ANLN: variants seen among roughly 807,000 people sequenced by gnomAD.
ANLN encodes anillin.
ANLN carries 59 observed loss-of-function variants against 135.1 expected under a neutral mutation model. That is an observed-to-expected ratio of 0.44 (90% CI 0.35 to 0.54). ANLN has a LOEUF of 0.54. ANLN is among the 20% of genes least tolerant of loss of function. ANLN has a pLI of 0.00. For synonymous variants in ANLN, 406 were observed against 456.4 expected (o/e 0.89, Z 1.41); for missense variants, 1,182 against 1,340.0 (o/e 0.88, Z 1.84).
chr7:36,400,462 C>T (rs567669097), intron 3 of ANLN, among the ~76,000 whole-genome samples: 4 of 152,086 alleles, frequency 2.6e-5, no homozygotes, highest in Non-Finnish European at 5.9e-5. Flanking sequence ...CAGGTTCAAG[C>T]GATTCTCATG....
chr7:36,424,004 T>G, intron 15 of ANLN, 61 bp downstream of exon 15: 1 of 1,507,200 alleles, frequency 6.6e-7, no homozygotes, highest in Non-Finnish European at 8.9e-7. Context: ...GTTGATACAG[T>G]CTAAAGCATT....
At chr7:36,412,549 A>T (rs1182671097) in intron 7 of ANLN, among the ~76,000 whole-genome samples, 1 of 151,984 alleles carries the variant, frequency 6.6e-6, no homozygotes, top group African/African-American at 2.4e-5. Context: ...GCTGGTCTCG[A>T]ACTCGTGACC....
intron 12 of ANLN, 106 bp downstream of exon 12, chr7:36,420,850 C>T: frequency 8.7e-7 from 1 of 1,152,280 alleles, no homozygotes; most frequent in East Asian, 2.4e-5. Flanking sequence ...CCTGAGTGGC[C>T]AGAATAGTGT....
intron 2 of ANLN, among the ~76,000 whole-genome samples, chr7:36,398,364 T>C (rs765225647): frequency 6.6e-6 from 1 of 152,232 alleles, no homozygotes; most frequent in Non-Finnish European, 1.5e-5. Flanking sequence ...TATTAGTTAT[T>C]TTCCATGAAA....
chr7:36,416,791 A>C (rs560106057), intron 8 of ANLN, among the ~76,000 whole-genome samples: 8 of 152,160 alleles, frequency 5.3e-5, no homozygotes, highest in African/African-American at 1.9e-4. Flanking sequence ...ATTTATGCCT[A>C]GTGTTCCATT....
Position 36,453,304 on chromosome 7 carries a change from A to T in ANLN, c.*704A>T. The T allele has an allele frequency of 6.6e-6, 1 of 152,304 alleles. No homozygotes were observed. Among genetic ancestry groups the T allele is most frequent in the East Asian group, 1.9e-4 (1 of 5,190 alleles). 9.4% of individuals were successfully genotyped at this position (152,304 alleles called of 1,614,324 possible). A position where few individuals can be genotyped will look rare whatever the true frequency, so the allele number is the denominator to read the frequency against. On this transcript the variant is annotated 3_prime_UTR_variant, in exon 24 of 24. Transcript: ENST00000265748. ...TTCACAGAATTCTGGCTTCATTAAGATCATTATTTTTGCTGCGTAGCTTAC... is the reference window on the plus strand; with the variant it reads ...TTCACAGAATTCTGGCTTCATTAAGTTCATTATTTTTGCTGCGTAGCTTAC...
chr7:36,422,483 C>T, intron 13 of ANLN, 150 bp from the exon 14 acceptor site: 1 of 686,560 alleles, frequency 1.5e-6, no homozygotes, highest in Non-Finnish European at 2.3e-6. Flanking sequence ...AAGGTTTTCC[C>T]CAACCACCTA....
intron 1 of ANLN, among the ~76,000 whole-genome samples, chr7:36,391,790 A>G (rs1308090582): frequency 6.6e-6 from 1 of 152,240 alleles, no homozygotes; most frequent in African/African-American, 2.4e-5. Flanking sequence ...AACATAGGAA[A>G]TAAGTCTATC....
In ANLN at chr7:36,406,484, A is replaced by T. The variant is rs762176310; in HGVS notation, c.791A>T (p.Asp264Val). 6.9e-6 allele frequency: 11 copies of T among 1,599,202 alleles called. No homozygotes were observed. Among genetic ancestry groups the T allele is most frequent in the South Asian group, 1.1e-5 (1 of 89,660 alleles). ...KQEATFCSQR[D>V]GDASLNKALS... ...GAAGCTACATTCTGTTCCCAAAGGGATGGCGATGCCTCTTTGAATAAAGCC... is the reference window on the plus strand; with the variant it reads ...GAAGCTACATTCTGTTCCCAAAGGGTTGGCGATGCCTCTTTGAATAAAGCC... Residue 264 changes from aspartate to valine, a missense_variant, in exon 4 of 24, where the codon GAT (aspartate) becomes GTT (valine). Physicochemically the swap from Asp to Val is radical, Grantham distance 152. This residue lies in a region of ANLN where 1,022 missense variants were observed against 1,134.0 expected (regional missense o/e 0.90). Transcript: ENST00000265748.
chr7:36,396,590 C>T (rs1471789367), intron 2 of ANLN, among the ~76,000 whole-genome samples, 171 bp downstream of exon 2: 3 of 151,862 alleles, frequency 2.0e-5, no homozygotes, highest in Non-Finnish European at 4.4e-5. Context: ...TTATATTAGG[C>T]CTAGAACCTA....
intron 20 of ANLN, 31 bp from the exon 21 acceptor site, chr7:36,439,173 T>G: frequency 7.9e-7 from 1 of 1,264,224 alleles, no homozygotes. Context: ...TTGAACCTGT[T>G]TTGCAAATAA....
chr7:36,401,451 G>T (rs1786943874), intron 3 of ANLN, among the ~76,000 whole-genome samples: 1 of 152,206 alleles, frequency 6.6e-6, no homozygotes. Context: ...CAGTTCTCCT[G>T]CCTCAGCCTC....
At chr7:36,452,396 T>C (rs1789282494) in intron 23 of ANLN, 81 bp from the exon 24 acceptor site, 1 of 1,543,770 alleles carries the variant, frequency 6.5e-7, no homozygotes. Flanking sequence ...TATTTAGTCA[T>C]TTTTTTCCCT....
intron 21 of ANLN, among the ~76,000 whole-genome samples, chr7:36,443,539 T>TAGG: frequency 6.6e-6 from 1 of 152,334 alleles, no homozygotes; most frequent in South Asian, 2.1e-4. Flanking sequence ...TATCTGAATG[T>TAGG]TTTTAAATGC....
chr7:36,452,261 G>GT (rs1262446114), intron 23 of ANLN, among the ~76,000 whole-genome samples: 2 of 152,202 alleles, frequency 1.3e-5, no homozygotes, highest in Non-Finnish European at 2.9e-5. Context: ...TGTAATTAGT[G>GT]TAAGTTAGCA....
chr7:36,425,582 C>A, intron 17 of ANLN, 120 bp from the exon 18 acceptor site: 1 of 612,896 alleles, frequency 1.6e-6, no homozygotes, highest in Non-Finnish European at 2.5e-6. Context: ...GCGTGAGCCA[C>A]TGCTCCCGGC....
chr7:36,451,196 G>A (rs534693962), intron 23 of ANLN, among the ~76,000 whole-genome samples: 3 of 152,222 alleles, frequency 2.0e-5, no homozygotes, highest in Admixed American at 1.3e-4. Context: ...GTTTCCTTAC[G>A]GGGCCTTGGG....
At chr7:36,441,578 G>A (rs1369085719) in intron 21 of ANLN, among the ~76,000 whole-genome samples, 1 of 152,214 alleles carries the variant, frequency 6.6e-6, no homozygotes, top group East Asian at 1.9e-4. Flanking sequence ...CCTCCACTGA[G>A]GAGCAGCAAG....
intron 5 of ANLN, among the ~76,000 whole-genome samples, chr7:36,409,706 G>T (rs1428124471): frequency 6.6e-6 from 1 of 151,942 alleles, no homozygotes; most frequent in East Asian, 1.9e-4. Flanking sequence ...GTCTCACTTT[G>T]TCACCCAGGA....
Sources: allele counts gnomAD v4.1 joint callset (sites outside exome capture counted in the v4.1 genomes callset), GRCh38; gene constraint gnomAD v4.1.1; regional missense constraint gnomAD v4.1.1; transcripts MANE v1.5; gene names NCBI Gene and HGNC (gene_info 2026-07-23, HGNC 2026-07-21).